Variants in OR5D3 observed in about 807,000 individuals in gnomAD.
OR5D3 encodes the protein olfactory receptor family 5 subfamily D member 3.
the OR5D3 span, chr11:55,726,486 C>T: frequency 3.6e-5 from 16 of 449,614 alleles, no homozygotes; most frequent in African/African-American, 3.2e-4. Context: ...AAGACAGAAT[C>T]ATCTCCTTCA....
chr11:55,728,812 T>C, the OR5D3 span: 1 of 152,092 alleles, frequency 6.6e-6, no homozygotes, highest in African/African-American at 2.4e-5. Context: ...GAGGATTTAC[T>C]TTAATTTTTA....
chr11:55,728,229 T>C, the OR5D3 span: 1 of 145,694 alleles, frequency 6.9e-6, no homozygotes, highest in Admixed American at 7.1e-5. Context: ...CCTGTTTGGG[T>C]CTCACCTGTT....
At chr11:55,724,436 A>G in the OR5D3 span, among the ~76,000 whole-genome samples, 1 of 152,094 alleles carries the variant, frequency 6.6e-6, no homozygotes, top group Admixed American at 6.5e-5. Context: ...AATGTTTGCA[A>G]TATATACAGA....
chr11:55,726,356 T>A, the OR5D3 span: 1 of 467,042 alleles, frequency 2.1e-6, no homozygotes, highest in South Asian at 7.1e-5. Context: ...ATGATCATGG[T>A]CATCAGGATC....
the OR5D3 span, chr11:55,727,147 C>A: frequency 2.5e-6 from 1 of 398,816 alleles, no homozygotes; most frequent in Non-Finnish European, 4.4e-6. Context: ...ATTATTATGT[C>A]ATAAAATGTA....
At chr11:55,724,025 AATGAATCACTCAG>A in the OR5D3 span, 1 of 398,064 alleles carries the variant, frequency 2.5e-6, no homozygotes, top group East Asian at 3.6e-5. Context: ...TCCTTCAGTA[AATGAATCACTCAG>A]ATGCCTCTGT....
the OR5D3 span, among the ~76,000 whole-genome samples, chr11:55,724,574 C>A: frequency 6.6e-6 from 1 of 151,884 alleles, no homozygotes. Flanking sequence ...ATACATCTAC[C>A]ATGACTTTGA....
chr11:55,727,261 T>A, the OR5D3 span: 2 of 396,428 alleles, frequency 5.0e-6, no homozygotes, highest in South Asian at 1.4e-4. Flanking sequence ...CAGTACAATA[T>A]CTATTCACAC....
At chr11:55,724,712 T>C in the OR5D3 span, among the ~76,000 whole-genome samples, 11 of 152,066 alleles carry the variant, frequency 7.2e-5, no homozygotes, top group African/African-American at 2.7e-4. Flanking sequence ...AGTCATTGGC[T>C]CTCAGGTTAA....
chr11:55,728,576 T>C, the OR5D3 span: 45 of 152,120 alleles, frequency 3.0e-4, no homozygotes, highest in African/African-American at 1.1e-3. Context: ...TTGCCAGTCA[T>C]GATTAAGGCT....
chr11:55,724,242 T>G, the OR5D3 span, among the ~76,000 whole-genome samples: 1 of 151,926 alleles, frequency 6.6e-6, no homozygotes, highest in Non-Finnish European at 1.5e-5. Flanking sequence ...TCAATTCTGA[T>G]TTTCTCATTC....
chr11:55,726,326 CTGTGATGGGG>C, the OR5D3 span: 2 of 451,354 alleles, frequency 4.4e-6, no homozygotes, highest in Non-Finnish European at 8.0e-6. Flanking sequence ...TACACAATCA[CTGTGATGGGG>C]AATCTGGGCA....
chr11:55,724,904 T>C, the OR5D3 span, among the ~76,000 whole-genome samples: 363 of 152,104 alleles, frequency 2.4e-3, 1 homozygote, highest in Non-Finnish European at 4.5e-3. Context: ...CACAAGCTTG[T>C]GGGAACTAGA....
chr11:55,724,036 C>T, the OR5D3 span: 1 of 397,838 alleles, frequency 2.5e-6, no homozygotes, highest in African/African-American at 2.1e-5. Flanking sequence ...ATGAATCACT[C>T]AGATGCCTCT....
the OR5D3 span, chr11:55,729,552 A>C: frequency 1.3e-5 from 2 of 152,052 alleles, no homozygotes; most frequent in Non-Finnish European, 2.9e-5. Context: ...ACGGCATCAA[A>C]GATTGTATTA....
chr11:55,725,035 C>T, the OR5D3 span, among the ~76,000 whole-genome samples: 28 of 152,134 alleles, frequency 1.8e-4, no homozygotes, highest in East Asian at 3.3e-3. Context: ...GAAACTGATT[C>T]TCTGCATTGT....
chr11:55,727,609 C>G, the OR5D3 span: 3 of 151,852 alleles, frequency 2.0e-5, no homozygotes, highest in East Asian at 5.8e-4. Flanking sequence ...TACAGACAAA[C>G]AAAAATAAAT....
the OR5D3 span, chr11:55,729,180 C>T: frequency 1.3e-5 from 2 of 151,606 alleles, no homozygotes; most frequent in South Asian, 2.1e-4. Context: ...AATGCAATTT[C>T]CCCCCCAAAT....
the OR5D3 span, chr11:55,729,209 G>T: frequency 5.3e-5 from 8 of 151,940 alleles, no homozygotes; most frequent in Non-Finnish European, 1.2e-4. Flanking sequence ...TATACTTTCA[G>T]TGTGAAAGCA....
Sources: gnomAD v4.1 joint callset for allele counts (sites outside exome capture counted in the v4.1 genomes callset) on GRCh38, gnomAD v4.1.1 for gene constraint, MANE v1.5 for transcripts, NCBI Gene and HGNC (gene_info 2026-07-23, HGNC 2026-07-21) for gene names.